TP63: variants seen among roughly 807,000 people sequenced by gnomAD.
TP63 encodes tumor protein 63.
A neutral mutation model predicts 82.8 loss-of-function variants in TP63; 17 were observed. The observed-to-expected ratio is 0.21, with a 90% CI of 0.14 to 0.31. TP63 has a LOEUF of 0.31. TP63 is among the 10% of genes least tolerant of loss of function. TP63 has a pLI of 1.00. For missense variants in TP63, 648 were observed against 895.3 expected (o/e 0.72, Z 3.52); for synonymous variants, 330 against 321.7 (o/e 1.03, Z -0.28).
At chr3:189,682,440 T>C (rs1177894238) in intron 1 of TP63, among the ~76,000 whole-genome samples, 1 of 149,016 alleles carries the variant, frequency 6.7e-6, no homozygotes, top group Admixed American at 6.7e-5. Flanking sequence ...AAGTGTTACA[T>C]TATCCTGGAA....
chr3:189,719,372 G>A (rs1719203037), intron 1 of TP63, among the ~76,000 whole-genome samples: 1 of 152,068 alleles, frequency 6.6e-6, no homozygotes, highest in South Asian at 2.1e-4. Flanking sequence ...GGCTCTCCTT[G>A]ATTATGTGCC....
intron 4 of TP63, among the ~76,000 whole-genome samples, chr3:189,853,847 A>AT (rs1297187805): frequency 1.3e-5 from 2 of 152,154 alleles, no homozygotes; most frequent in Non-Finnish European, 2.9e-5. Flanking sequence ...CTAGTAGTTA[A>AT]TTGTTCTATC....
rs563005060 is a variant in TP63, at chr3:189,777,028, C to G, written c.325-31244C>G. Among the ~76,000 whole-genome samples, 5 of 152,150 alleles carry G rather than the reference C, an allele frequency of 3.3e-5. No homozygotes were observed. The East Asian group carries it at 9.6e-4, about 29-fold the overall frequency. On this transcript the variant is annotated intron_variant, in intron 3 of 13. Coordinates refer to ENST00000264731, the MANE Select transcript of TP63 (RefSeq NM_003722.5). ...TCTTCAGGGAAGTTAAATCATAAAC[C>G]TTTCTGGAAGCTTAAAGCTGAAGTA...
intron 3 of TP63, among the ~76,000 whole-genome samples, chr3:189,739,864 G>C (rs1201701799): frequency 6.6e-6 from 1 of 151,512 alleles, no homozygotes; most frequent in East Asian, 1.9e-4. Context: ...GAAAACTAGT[G>C]GGGGGAAGCT....
At chr3:189,887,448 T>TC (rs1720569889) in intron 11 of TP63, among the ~76,000 whole-genome samples, 1 of 152,172 alleles carries the variant, frequency 6.6e-6, no homozygotes, top group East Asian at 1.9e-4. Context: ...TTTTATTTCT[T>TC]CTCACACACA....
At chr3:189,662,628 A>G (rs1186610988) in intron 1 of TP63, among the ~76,000 whole-genome samples, 2 of 152,102 alleles carry the variant, frequency 1.3e-5, no homozygotes, top group African/African-American at 4.8e-5. Flanking sequence ...TATTTAAAAA[A>G]CAAATTATTA....
chr3:189,699,247 CAG>C (rs760960197), intron 1 of TP63, among the ~76,000 whole-genome samples: 8 of 152,148 alleles, frequency 5.3e-5, no homozygotes. Context: ...GAAACTAAAA[CAG>C]AGAGAAGTTG....
At chr3:189,790,766 T>C (rs1219199157) in intron 3 of TP63, among the ~76,000 whole-genome samples, 2 of 152,074 alleles carry the variant, frequency 1.3e-5, no homozygotes, top group African/African-American at 4.8e-5. Context: ...ATAAAAATGC[T>C]TGCAGGTGAG....
rs1718616245 is a variant in TP63 at position 189,872,984 on chromosome 3, A to C, written c.1338A>C (p.Leu446Phe). The C allele has an allele frequency of 3.1e-6, 5 of 1,614,162 alleles. No homozygotes were observed. Among genetic ancestry groups the C allele is most frequent in the Non-Finnish European group, 4.2e-6 (5 of 1,180,010 alleles). ...RQQQQQQHQH[L>F]LQKQTSIQSP... The stretch of plus-strand genomic sequence containing the variant: ...AGCAACAGCAGCAGCACCAGCACTT[A>C]CTTCAGAAACAGTGAGTGTATCAAC... The change falls in exon 10 of 14, where the codon TTA (leucine) becomes TTC (phenylalanine). Residue 446 changes from leucine to phenylalanine, a missense_variant. Physicochemically the swap from Leu to Phe is conservative, Grantham distance 22. Transcript: ENST00000264731.
intron 4 of TP63, among the ~76,000 whole-genome samples, chr3:189,840,922 T>C (rs1475859163): frequency 6.6e-6 from 1 of 151,096 alleles, no homozygotes. Flanking sequence ...GCTTTGAAGC[T>C]AGAGAGCGCT....
intron 10 of TP63, chr3:189,880,321 A>AGCCGT: frequency 7.6e-7 from 1 of 1,317,020 alleles, no homozygotes; most frequent in Non-Finnish European, 9.7e-7. Flanking sequence ...AACTGCTCAA[A>AGCCGT]GGCACAAAGC....
intron 1 of TP63, among the ~76,000 whole-genome samples, chr3:189,731,047 A>G (rs539219107): frequency 2.4e-4 from 36 of 149,972 alleles, no homozygotes; most frequent in African/African-American, 8.4e-4. Context: ...ATTGGACTAT[A>G]GATAAAGACT....
chr3:189,816,294 A>G (rs1728174446), intron 4 of TP63, among the ~76,000 whole-genome samples: 1 of 152,226 alleles, frequency 6.6e-6, no homozygotes, highest in Admixed American at 6.5e-5. Context: ...CTTAAAATGA[A>G]TGCAAACTTA....
chr3:189,732,774 A>C (rs906862791), intron 1 of TP63, among the ~76,000 whole-genome samples: 6 of 151,908 alleles, frequency 3.9e-5, no homozygotes, highest in South Asian at 2.1e-4. Flanking sequence ...ATCCTCAAGG[A>C]GCTGTAAAAC....
intron 4 of TP63, among the ~76,000 whole-genome samples, chr3:189,834,992 G>C (rs1712923887): frequency 6.6e-6 from 1 of 150,684 alleles, no homozygotes; most frequent in African/African-American, 2.4e-5. Context: ...TCTTCACTGA[G>C]ATAGGGAAGA....
chr3:189,704,980 A>C (rs1718092642), intron 1 of TP63, among the ~76,000 whole-genome samples: 1 of 152,216 alleles, frequency 6.6e-6, no homozygotes, highest in East Asian at 1.9e-4. Context: ...AAATCACAGA[A>C]ACCTAGTGTT....
At chr3:189,707,405 T>C (rs1394926019) in intron 1 of TP63, among the ~76,000 whole-genome samples, 3 of 152,170 alleles carry the variant, frequency 2.0e-5, no homozygotes, top group Admixed American at 1.3e-4. Context: ...ACCCAAACTT[T>C]TATGTTGAAT....
intron 10 of TP63, among the ~76,000 whole-genome samples, chr3:189,883,221 T>C (rs1720113974): frequency 6.6e-6 from 1 of 152,212 alleles, no homozygotes. Flanking sequence ...GGCTTTCAAA[T>C]TGGCTGAGTT....
At chr3:189,879,570 C>G (rs898049087) in intron 10 of TP63, among the ~76,000 whole-genome samples, 3 of 152,182 alleles carry the variant, frequency 2.0e-5, no homozygotes, top group African/African-American at 7.2e-5. Context: ...TAGACAAGAA[C>G]TGTAATGAGG....
Sources: gnomAD v4.1 joint callset for allele counts (sites outside exome capture counted in the v4.1 genomes callset) on GRCh38, gnomAD v4.1.1 for gene constraint, MANE v1.5 for transcripts, NCBI Gene and HGNC (gene_info 2026-07-23, HGNC 2026-07-21) for gene names.